SEMA5A: variants seen among roughly 807,000 people sequenced by gnomAD.
SEMA5A encodes semaphorin 5A, also known as semaphorin-5A.
SEMA5A carries 55 observed loss-of-function variants against 135.5 expected under a neutral mutation model. That is an observed-to-expected ratio of 0.41 (90% confidence interval 0.33 to 0.51). SEMA5A has a LOEUF of 0.51. Among genes scored for constraint, SEMA5A ranks in the 20% least tolerant of loss-of-function variants. The pLI, the probability that SEMA5A is intolerant of heterozygous loss-of-function variation, is 0.37. For synonymous variants in SEMA5A, 580 were observed against 546.5 expected, an observed-to-expected ratio of 1.06 and a Z score of -0.85; for missense variants, 1,290 against 1,419.9, an observed-to-expected ratio of 0.91 and a Z score of 1.47.
At chr5:9,226,785 A>G (rs1260770274) in intron 7 of SEMA5A, 84 bp downstream of exon 7, 8 of 1,055,118 alleles carry the variant, frequency 7.6e-6, no homozygotes, top group Non-Finnish European at 1.2e-5. Flanking sequence ...TGGTGTATAG[A>G]AATTCATTTA....
chr5:9,210,679 C>T (rs540936469), intron 8 of SEMA5A, among the ~76,000 whole-genome samples: 31 of 152,212 alleles, frequency 2.0e-4, no homozygotes, highest in African/African-American at 4.8e-4. Context: ...TGTTTTCAAG[C>T]GCTAGCTCAG....
chr5:9,295,214 T>G (rs1449021756), intron 5 of SEMA5A, among the ~76,000 whole-genome samples: 1 of 152,186 alleles, frequency 6.6e-6, no homozygotes, highest in Non-Finnish European at 1.5e-5. Flanking sequence ...AAAAAGGATT[T>G]GGGGATTTCC....
intron 5 of SEMA5A, among the ~76,000 whole-genome samples, chr5:9,270,138 C>T (rs1378905618): frequency 6.6e-6 from 1 of 152,080 alleles, no homozygotes; most frequent in East Asian, 1.9e-4. Flanking sequence ...GTGTGATCTG[C>T]CCGCAGGAGA....
chr5:9,472,969 T>G (rs1759530586), intron 1 of SEMA5A, among the ~76,000 whole-genome samples: 1 of 150,536 alleles, frequency 6.6e-6, no homozygotes. Flanking sequence ...AACTGCATAA[T>G]ATTCATGTCA....
chr5:9,481,102 A>G (rs1759860367), intron 1 of SEMA5A, among the ~76,000 whole-genome samples: 1 of 151,934 alleles, frequency 6.6e-6, no homozygotes, highest in Admixed American at 6.6e-5. Context: ...CATAACTACC[A>G]CGCCCAGCTA....
chr5:9,263,137 T>C (rs1374666626), intron 5 of SEMA5A, among the ~76,000 whole-genome samples: 5 of 151,770 alleles, frequency 3.3e-5, no homozygotes, highest in Middle Eastern at 3.5e-3. Context: ...AAACCCACAA[T>C]GGTTCTGTGC....
rs192988131 is a variant in SEMA5A at position 9,157,461 on chromosome 5, G to T, written c.1274-2766C>A. 7.3e-4 allele frequency among the ~76,000 whole-genome samples: 111 copies of T among 152,240 alleles called. No homozygotes were observed. The East Asian group carries it at 0.018, about 25-fold the overall frequency. ...CCACCTCCTGTGACCTTGTCTAAGG[G>T]ACAGCAGCACCATAATCCCAGGGCC... On this transcript the variant is annotated intron_variant, in intron 11 of 22. Transcript: ENST00000382496.
intron 19 of SEMA5A, among the ~76,000 whole-genome samples, chr5:9,053,524 T>C (rs1736711326): frequency 6.6e-6 from 1 of 152,112 alleles, no homozygotes; most frequent in Non-Finnish European, 1.5e-5. Flanking sequence ...GTGCTTAGTG[T>C]CCCCTTGTCA....
intron 12 of SEMA5A, among the ~76,000 whole-genome samples, chr5:9,154,083 A>G (rs1370348357): frequency 0.32 from 26,517 of 84,108 alleles, 5,630 homozygotes; most frequent in Non-Finnish European, 0.46. Flanking sequence ...ATATATATAT[A>G]TATATATATA....
chr5:9,309,435 A>T (rs1464806463), intron 5 of SEMA5A, among the ~76,000 whole-genome samples: 1 of 152,006 alleles, frequency 6.6e-6, no homozygotes, highest in African/African-American at 2.4e-5. Flanking sequence ...CTGCCTTGTG[A>T]TTTCTTGAAG....
rs74615770 is a variant in SEMA5A at position 9,355,586 on chromosome 5, T to C, written c.125-17774A>G. ...GGGGAACAATCCAATAGTTCTTTCC[T>C]GGATGTCTACGCGGAGGTCTTCACT... On this transcript the variant is annotated intron_variant, in intron 3 of 22. Coordinates refer to ENST00000382496, the MANE Select transcript of SEMA5A (RefSeq NM_003966.3). Among the ~76,000 whole-genome samples the C allele has an allele frequency of 2.4e-4, 37 of 152,278 alleles. No individual in the cohort carries two copies. The East Asian group carries it at 7.2e-3, about 29-fold the overall frequency.
chr5:9,322,449 G>GCACCAT (rs1176440888), intron 4 of SEMA5A, among the ~76,000 whole-genome samples: 5 of 152,038 alleles, frequency 3.3e-5, no homozygotes, highest in Admixed American at 6.6e-5. Context: ...ACCAGCACCA[G>GCACCAT]CACCATCACC....
chr5:9,330,219 C>T (rs1387590926), intron 4 of SEMA5A, among the ~76,000 whole-genome samples: 1 of 151,648 alleles, frequency 6.6e-6, no homozygotes, highest in Non-Finnish European at 1.5e-5. Context: ...TGAAACCCCG[C>T]CTCTACTAAA....
intron 15 of SEMA5A, among the ~76,000 whole-genome samples, chr5:9,109,808 G>A: frequency 6.6e-6 from 1 of 152,126 alleles, no homozygotes; most frequent in East Asian, 1.9e-4. Context: ...AATACACAGT[G>A]GCATTACTGT....
At chr5:9,530,740 G>A (rs1052200689) in intron 1 of SEMA5A, among the ~76,000 whole-genome samples, 58 of 152,252 alleles carry the variant, frequency 3.8e-4, no homozygotes, top group Non-Finnish European at 1.3e-4. Flanking sequence ...CAGTAGAAGC[G>A]AGGAGAGATC....
At chr5:9,515,534 G>A (rs987385013) in intron 1 of SEMA5A, among the ~76,000 whole-genome samples, 9 of 152,238 alleles carry the variant, frequency 5.9e-5, no homozygotes, top group East Asian at 3.9e-4. Context: ...TTGGGAGAAC[G>A]TGCAATGTTC....
chr5:9,073,477 T>C (rs893302349), intron 16 of SEMA5A, among the ~76,000 whole-genome samples: 2 of 152,150 alleles, frequency 1.3e-5, no homozygotes, highest in Non-Finnish European at 2.9e-5. Context: ...AGGATATCTA[T>C]TAAAAACCTA....
chr5:9,242,330 G>A (rs1353462712), intron 5 of SEMA5A, among the ~76,000 whole-genome samples: 13 of 152,300 alleles, frequency 8.5e-5, no homozygotes, highest in South Asian at 4.1e-4. Context: ...CTAGAATGGC[G>A]TGCATTGAAC....
At chr5:9,328,013 G>T (rs991355986) in intron 4 of SEMA5A, among the ~76,000 whole-genome samples, 4 of 151,868 alleles carry the variant, frequency 2.6e-5, no homozygotes, top group Admixed American at 6.6e-5. Flanking sequence ...AATTTTCTAG[G>T]TTATCTTCAG....
Sources: allele counts gnomAD v4.1 joint callset (sites outside exome capture counted in the v4.1 genomes callset), GRCh38; gene constraint gnomAD v4.1.1; transcripts MANE v1.5; gene names NCBI Gene and HGNC (gene_info 2026-07-23, HGNC 2026-07-21).